Variants in ULK4 observed in about 807,000 individuals in gnomAD.
ULK4 encodes the protein inactive serine/threonine-protein kinase ULK4.
In ULK4, 133 loss-of-function variants were observed where a neutral mutation model predicts 160.6. That is an observed-to-expected ratio of 0.83 (90% CI 0.72 to 0.96). ULK4 has a LOEUF of 0.96. ULK4 is among the 40% of genes least tolerant of loss of function. The probability of loss-of-function intolerance (pLI) is 0.00; values close to 1 mark genes in which losing one functional copy is unlikely to be tolerated. For synonymous variants in ULK4, 534 were observed against 539.8 expected, an observed-to-expected ratio of 0.99 and a Z score of 0.15; for missense variants, 1,580 against 1,499.5, an observed-to-expected ratio of 1.05 and a Z score of -0.89.
intron 34 of ULK4, among the ~76,000 whole-genome samples, chr3:41,425,494 T>C (rs1013191006): frequency 6.6e-6 from 1 of 152,044 alleles, no homozygotes; most frequent in Non-Finnish European, 1.5e-5. Context: ...CATATAATCA[T>C]CAGATTCTCC....
intron 31 of ULK4, among the ~76,000 whole-genome samples, chr3:41,591,850 C>T (rs1016184693): frequency 6.6e-6 from 1 of 152,184 alleles, no homozygotes; most frequent in Non-Finnish European, 1.5e-5. Flanking sequence ...ACCAGCTGAA[C>T]TGTACAAAGC....
intron 31 of ULK4, among the ~76,000 whole-genome samples, chr3:41,604,902 A>G (rs2032299439): frequency 6.6e-6 from 1 of 152,096 alleles, no homozygotes; most frequent in African/African-American, 2.4e-5. Flanking sequence ...TGTATCCAAC[A>G]TGTACTTCAC....
chr3:41,255,098 TTA>T (rs1453461837), intron 35 of ULK4, among the ~76,000 whole-genome samples: 2 of 147,886 alleles, frequency 1.4e-5, no homozygotes, highest in East Asian at 3.9e-4. Context: ...TTATATATAA[TTA>T]TATACATCTG....
chr3:41,378,102 T>C (rs557881263), intron 35 of ULK4, among the ~76,000 whole-genome samples: 8 of 151,494 alleles, frequency 5.3e-5, no homozygotes, highest in African/African-American at 1.9e-4. Flanking sequence ...GAAATCATCA[T>C]TGTCAGTAAA....
At chr3:41,265,534 G>A (rs181567188) in intron 35 of ULK4, among the ~76,000 whole-genome samples, 3 of 152,144 alleles carry the variant, frequency 2.0e-5, no homozygotes, top group African/African-American at 4.8e-5. Flanking sequence ...AAGCACACTT[G>A]GTTTACATTA....
intron 21 of ULK4, among the ~76,000 whole-genome samples, chr3:41,765,598 A>G (rs2039136053): frequency 6.6e-6 from 1 of 152,154 alleles, no homozygotes; most frequent in Admixed American, 6.6e-5. Context: ...AGACAACACA[A>G]AGAGGAAAAC....
chr3:41,439,684 T>C (rs963692287), intron 34 of ULK4, among the ~76,000 whole-genome samples: 11 of 152,214 alleles, frequency 7.2e-5, no homozygotes, highest in African/African-American at 2.7e-4. Flanking sequence ...TTATTCATTT[T>C]CAAAGTTGTT....
chr3:41,896,771 C>T, intron 15 of ULK4, 51 bp downstream of exon 15: 1 of 1,520,442 alleles, frequency 6.6e-7, no homozygotes, highest in South Asian at 1.3e-5. Context: ...CTTGTTTGAG[C>T]CTCTATAAAA....
Position 41,535,146 on chromosome 3 carries a change from G to A in ULK4, c.3226+30879C>T, listed in dbSNP as rs569576063. On this transcript the variant is annotated intron_variant, in intron 32 of 36. Coordinates refer to ENST00000301831, the MANE Select transcript of ULK4 (RefSeq NM_017886.4). ...TCATGAGGAGTACTGGTGCATAAGA[G>A]CACTGCCAAAGCACAGTCTCCTGAG... 1.3e-5 allele frequency among the ~76,000 whole-genome samples: 2 copies of A among 152,286 alleles called. 1 individual carries two copies. The highest frequency in any genetic ancestry group is 4.8e-5 in the African/African-American group (2 of 41,572).
chr3:41,690,473 GA>G (rs202195091), intron 27 of ULK4, among the ~76,000 whole-genome samples: 108 of 147,126 alleles, frequency 7.3e-4, no homozygotes, highest in African/African-American at 1.2e-3. Context: ...TTTTAAAAAA[GA>G]AAAAAAAAAC....
chr3:41,565,067 G>A (rs558721811), intron 32 of ULK4, among the ~76,000 whole-genome samples: 3 of 152,132 alleles, frequency 2.0e-5, no homozygotes, highest in Admixed American at 1.3e-4. Flanking sequence ...TTCAGCACAG[G>A]TTTGTAGTCT....
intron 16 of ULK4, among the ~76,000 whole-genome samples, chr3:41,887,249 T>C (rs1415514663): frequency 6.6e-6 from 1 of 152,216 alleles, no homozygotes; most frequent in African/African-American, 2.4e-5. Context: ...AATAATAATA[T>C]GTACCTCATG....
At chr3:41,404,021 G>C (rs534253035) in intron 34 of ULK4, among the ~76,000 whole-genome samples, 3 of 152,020 alleles carry the variant, frequency 2.0e-5, no homozygotes, top group African/African-American at 7.2e-5. Flanking sequence ...GTCTATTAGT[G>C]GTGAGTGTTC....
At chr3:41,621,800 A>G (rs1420892793) in intron 30 of ULK4, among the ~76,000 whole-genome samples, 1 of 152,238 alleles carries the variant, frequency 6.6e-6, no homozygotes, top group African/African-American at 2.4e-5. Context: ...GCAAAGCAAA[A>G]GAAACTACCA....
At chr3:41,531,568 C>CA (rs199630147) in intron 32 of ULK4, among the ~76,000 whole-genome samples, 42 of 147,790 alleles carry the variant, frequency 2.8e-4, no homozygotes, top group Admixed American at 1.4e-3. Flanking sequence ...CAGTTAGCTG[C>CA]AAAAAAAAAT....
At chr3:41,891,457 C>G (rs1358690041) in intron 16 of ULK4, among the ~76,000 whole-genome samples, 1 of 145,462 alleles carries the variant, frequency 6.9e-6, no homozygotes, top group Non-Finnish European at 1.5e-5. Flanking sequence ...AAAAGAAAAG[C>G]TAACTCAAAC....
intron 20 of ULK4, among the ~76,000 whole-genome samples, chr3:41,796,372 C>T (rs1355861862): frequency 6.6e-6 from 1 of 152,058 alleles, no homozygotes; most frequent in Non-Finnish European, 1.5e-5. Flanking sequence ...AGACAGATCA[C>T]AAGGTCAGGA....
At chr3:41,400,310 AAAG>A (rs1415068011) in intron 34 of ULK4, among the ~76,000 whole-genome samples, 2 of 152,196 alleles carry the variant, frequency 1.3e-5, no homozygotes, top group Admixed American at 6.5e-5. Flanking sequence ...CCACCAAGAA[AAAG>A]AAGAGTTCCA....
At chr3:41,502,448 G>T (rs1272723233) in intron 32 of ULK4, among the ~76,000 whole-genome samples, 2 of 152,118 alleles carry the variant, frequency 1.3e-5, no homozygotes, top group East Asian at 3.8e-4. Context: ...CTCACCTCTA[G>T]GTATTTGCTC....
Sources: allele counts gnomAD v4.1 joint callset (sites outside exome capture counted in the v4.1 genomes callset), GRCh38; gene constraint gnomAD v4.1.1; transcripts MANE v1.5; gene names NCBI Gene and HGNC (gene_info 2026-07-23, HGNC 2026-07-21).